NOL10: variants seen among roughly 807,000 people sequenced by gnomAD.
NOL10 encodes H_NH0074G24.1.
A neutral mutation model predicts 103.5 loss-of-function variants in NOL10; 58 were observed. The ratio of observed to expected loss-of-function variants is 0.56; its 90% CI spans 0.45 to 0.70. The LOEUF is 0.70. NOL10 is among the 30% of genes least tolerant of loss of function. NOL10 has a pLI of 0.00. For missense variants in NOL10, 763 were observed against 807.3 expected (o/e 0.95, Z 0.67); for synonymous variants, 287 against 282.5 (o/e 1.02, Z -0.16).
At chr2:10,579,752 C>T (rs1474498917) in intron 19 of NOL10, among the ~76,000 whole-genome samples, 2 of 151,480 alleles carry the variant, frequency 1.3e-5, no homozygotes, top group African/African-American at 2.4e-5. Flanking sequence ...TTCTTTTATT[C>T]CTTTACTTTC....
At chr2:10,667,188 T>C (rs1680620010) in intron 8 of NOL10, 30 bp downstream of exon 8, 1 of 1,496,726 alleles carries the variant, frequency 6.7e-7, no homozygotes, top group Non-Finnish European at 9.1e-7. Context: ...AAAACAAATA[T>C]TCTAAAAAAT....
At chr2:10,584,074 G>A (rs1220535226) in intron 19 of NOL10, among the ~76,000 whole-genome samples, 2 of 152,154 alleles carry the variant, frequency 1.3e-5, no homozygotes, top group Non-Finnish European at 2.9e-5. Flanking sequence ...CCCTTCGCAT[G>A]GCCTGCCTGT....
At chr2:10,608,817 C>G (rs1427535105) in intron 13 of NOL10, among the ~76,000 whole-genome samples, 2 of 152,100 alleles carry the variant, frequency 1.3e-5, no homozygotes, top group Non-Finnish European at 2.9e-5. Context: ...CACCTCAACA[C>G]AGCTATGGTA....
At chr2:10,669,513 T>TACACACAC (rs112846253) in intron 6 of NOL10, among the ~76,000 whole-genome samples, 24 of 132,928 alleles carry the variant, frequency 1.8e-4, no homozygotes, top group African/African-American at 6.4e-4. Flanking sequence ...CACACATATA[T>TACACACAC]ACACACACAC....
Position 10,675,865 on chromosome 2 carries a change from T to C in NOL10, c.218A>G (p.Tyr73Cys). The C allele has an allele frequency of 6.4e-7, 1 of 1,559,610 alleles. No individual in the cohort carries two copies. The highest frequency in any genetic ancestry group is 1.2e-5 in the South Asian group (1 of 83,822). The change falls in exon 4 of 21, where the codon TAT (tyrosine) becomes TGT (cysteine). Residue 73 changes from tyrosine to cysteine, a missense_variant. Tyr to Cys is a radical substitution (Grantham distance 194). Transcript: ENST00000381685. ...GTCATAACATCGAACCCGAGGTTTA[T>C]ATGTTCCTACAAAAAATTAATGTGA... ...DGQYILATGTYKPRVRCYDTY... is the reference protein window; with the variant it reads ...DGQYILATGTCKPRVRCYDTY...
intron 3 of NOL10, among the ~76,000 whole-genome samples, chr2:10,678,071 G>A (rs930165671): frequency 6.7e-6 from 1 of 150,036 alleles, no homozygotes; most frequent in Non-Finnish European, 1.5e-5. Context: ...TTTTTTTAGA[G>A]ACAGGGTCTC....
intron 17 of NOL10, among the ~76,000 whole-genome samples, chr2:10,599,281 T>A (rs1675853725): frequency 6.6e-6 from 1 of 152,230 alleles, no homozygotes; most frequent in Non-Finnish European, 1.5e-5. Context: ...CTACTCTCTA[T>A]CTACTGAAGC....
At chr2:10,617,872 G>T (rs1379076038) in intron 13 of NOL10, among the ~76,000 whole-genome samples, 2 of 152,134 alleles carry the variant, frequency 1.3e-5, no homozygotes, top group Admixed American at 1.3e-4. Context: ...GTACACGAAT[G>T]TCCAGAAAAG....
At chr2:10,610,966 T>G (rs1192696631) in intron 13 of NOL10, among the ~76,000 whole-genome samples, 1 of 152,236 alleles carries the variant, frequency 6.6e-6, no homozygotes, top group Non-Finnish European at 1.5e-5. Flanking sequence ...GGTCAATTTA[T>G]AAGACTTTCT....
chr2:10,675,228 G>C (rs932018115), intron 4 of NOL10, among the ~76,000 whole-genome samples: 4 of 151,858 alleles, frequency 2.6e-5, no homozygotes, highest in African/African-American at 7.3e-5. Context: ...ATAAATAAAA[G>C]AAAGAAAAGA....
intron 12 of NOL10, among the ~76,000 whole-genome samples, chr2:10,648,024 T>C (rs1679201189): frequency 6.6e-6 from 1 of 152,116 alleles, no homozygotes; most frequent in South Asian, 2.1e-4. Context: ...AAGCTCCCCG[T>C]GTCATGAATC....
chr2:10,592,211 A>G (rs976176099), intron 17 of NOL10, among the ~76,000 whole-genome samples: 2 of 152,222 alleles, frequency 1.3e-5, no homozygotes, highest in African/African-American at 4.8e-5. Flanking sequence ...ATACAGTTCT[A>G]AATTAGAATT....
chr2:10,611,934 C>CAAAACA lies in NOL10; in HGVS notation c.1027-4629_1027-4624dup, dbSNP rs561568151. ...TGCTTCCCTGCTTAAAAAAACAAAA[C>CAAAACA]AAAACAAAAACAAAAACAAAAACAG... On this transcript the variant is annotated intron_variant, in intron 13 of 20. Transcript: ENST00000381685. Among the ~76,000 whole-genome samples, 22 of 151,640 alleles carry CAAAACA rather than the reference C, an allele frequency of 1.5e-4. No homozygotes were observed. The South Asian group carries it at 3.1e-3, about 22-fold the overall frequency.
chr2:10,681,059 C>T (rs1166111212), intron 3 of NOL10, among the ~76,000 whole-genome samples: 1 of 152,024 alleles, frequency 6.6e-6, no homozygotes, highest in Non-Finnish European at 1.5e-5. Flanking sequence ...AGAAGTTTCC[C>T]AGAACACTAA....
intron 13 of NOL10, among the ~76,000 whole-genome samples, chr2:10,631,768 G>A (rs775873555): frequency 9.3e-5 from 14 of 151,146 alleles, no homozygotes; most frequent in Non-Finnish European, 1.5e-4. Flanking sequence ...AGGCTGGAGT[G>A]CAATGGCACG....
intron 12 of NOL10, among the ~76,000 whole-genome samples, chr2:10,650,721 A>G (rs1408875439): frequency 6.6e-6 from 1 of 152,004 alleles, no homozygotes; most frequent in East Asian, 1.9e-4. Context: ...GTGCCACTAC[A>G]CTCTAGCTTA....
rs188233893 is a variant in NOL10 at position 10,670,622 on chromosome 2, C to A, written c.464+932G>T. On this transcript the variant is annotated intron_variant, in intron 6 of 20. Coordinates refer to ENST00000381685, the MANE Select transcript of NOL10 (RefSeq NM_024894.4). ...TGGTGGCAGGCGCCCATAGTCTCAG[C>A]TACTCAGGAGGCTGGGGCTGGAGAA... Among the ~76,000 whole-genome samples, 321 of 152,204 alleles carry A rather than the reference C, an allele frequency of 2.1e-3. 2 individuals are homozygous for A. The highest frequency in any genetic ancestry group is 7.5e-3 in the African/African-American group (310 of 41,512).
chr2:10,609,710 T>C (rs1676455428), intron 13 of NOL10, among the ~76,000 whole-genome samples: 1 of 152,236 alleles, frequency 6.6e-6, no homozygotes, highest in Non-Finnish European at 1.5e-5. Context: ...CAGGGGTATC[T>C]GCTTCCAGTG....
At chr2:10,601,984 A>C (rs1675999026) in intron 16 of NOL10, among the ~76,000 whole-genome samples, 1 of 152,256 alleles carries the variant, frequency 6.6e-6, no homozygotes, top group Non-Finnish European at 1.5e-5. Context: ...GCGGCTGCAG[A>C]CAGACTGCAA....
Sources: allele counts gnomAD v4.1 joint callset (sites outside exome capture counted in the v4.1 genomes callset), GRCh38; gene constraint gnomAD v4.1.1; transcripts MANE v1.5; gene names NCBI Gene and HGNC (gene_info 2026-07-23, HGNC 2026-07-21).